Variants in RGS13 observed in about 807,000 individuals in gnomAD.
RGS13 encodes regulator of G-protein signalling 13.
In RGS13, 14 loss-of-function variants were observed where a neutral mutation model predicts 19.9. That is an observed-to-expected ratio of 0.70 (90% CI 0.46 to 1.10). The LOEUF is 1.10. Among genes scored for constraint, RGS13 ranks in the 50% least tolerant of loss-of-function variants. RGS13 has a pLI of 0.00. For missense variants in RGS13, 205 were observed against 187.1 expected, an observed-to-expected ratio of 1.10 and a Z score of -0.56; for synonymous variants, 60 against 56.8, an observed-to-expected ratio of 1.06 and a Z score of -0.25.
intron 5 of RGS13, among the ~76,000 whole-genome samples, chr1:192,655,977 T>C (rs1663431064): frequency 6.6e-6 from 1 of 152,220 alleles, no homozygotes; most frequent in African/African-American, 2.4e-5. Flanking sequence ...TAGAACCATT[T>C]GGCCAGCCCA....
intron 3 of RGS13, among the ~76,000 whole-genome samples, chr1:192,639,664 C>T (rs1019692609): frequency 1.3e-5 from 2 of 152,070 alleles, no homozygotes; most frequent in African/African-American, 2.4e-5. Flanking sequence ...TTTTTCTAAT[C>T]TTTACAGTTC....
intron 3 of RGS13, among the ~76,000 whole-genome samples, chr1:192,643,844 C>T (rs958307962): frequency 6.6e-6 from 1 of 151,914 alleles, no homozygotes. Context: ...CCCAGCTACT[C>T]CAGAGGTTGA....
At chr1:192,640,878 G>A (rs1208228820) in intron 3 of RGS13, among the ~76,000 whole-genome samples, 1 of 152,032 alleles carries the variant, frequency 6.6e-6, no homozygotes, top group Non-Finnish European at 1.5e-5. Flanking sequence ...TTCTTCTTCA[G>A]GAACCTGAAA....
At chr1:192,657,522 A>C (rs1045584866) in intron 5 of RGS13, among the ~76,000 whole-genome samples, 8 of 152,126 alleles carry the variant, frequency 5.3e-5, no homozygotes, top group African/African-American at 1.9e-4. Flanking sequence ...CTCCGGCATC[A>C]AGTGTTATGT....
In RGS13 at chr1:192,659,553, G is replaced by C. The variant is rs1270461676; in HGVS notation, c.*30G>C. ...AACTCAAAAGTTTAAATAGAAAACAGTATATTGAAAGTGGTGGGTTTGATC... is the reference window on the plus strand; with the variant it reads ...AACTCAAAAGTTTAAATAGAAAACACTATATTGAAAGTGGTGGGTTTGATC... On this transcript the variant is annotated 3_prime_UTR_variant, in exon 7 of 7. Coordinates refer to ENST00000391995, the MANE Select transcript of RGS13 (RefSeq NM_002927.5). The C allele has an allele frequency of 3.3e-6, 5 of 1,515,586 alleles. No homozygotes were observed. In the African/African-American group the frequency reaches 7.0e-5, roughly 21 times the overall value. 93.9% of individuals were successfully genotyped at this position (1,515,586 alleles called of 1,614,324 possible).
chr1:192,644,223 C>T (rs2102031210), intron 3 of RGS13, 108 bp from the exon 4 acceptor site: 2 of 738,908 alleles, frequency 2.7e-6, no homozygotes, highest in South Asian at 2.7e-5. Context: ...TTCAAGAGCC[C>T]ATCTTTTTTT....
intron 4 of RGS13, 52 bp downstream of exon 4, chr1:192,644,451 A>G (rs1663180966): frequency 7.7e-7 from 1 of 1,295,700 alleles, no homozygotes; most frequent in Non-Finnish European, 1.1e-6. Flanking sequence ...TTATCAGATG[A>G]TAAATAGGTA....
At chr1:192,656,255 T>C (rs1281921438) in intron 5 of RGS13, among the ~76,000 whole-genome samples, 1 of 152,102 alleles carries the variant, frequency 6.6e-6, no homozygotes, top group South Asian at 2.1e-4. Flanking sequence ...ATCTGCTATC[T>C]CATTTTCTTT....
chr1:192,644,137 T>C (rs544765124), intron 3 of RGS13, among the ~76,000 whole-genome samples, 194 bp from the exon 4 acceptor site: 1 of 152,264 alleles, frequency 6.6e-6, no homozygotes, highest in East Asian at 1.9e-4. Context: ...TATATTTTTA[T>C]AAAATATTTA....
At chr1:192,636,594 T>G (rs189100657) in intron 1 of RGS13, among the ~76,000 whole-genome samples, 1 of 152,148 alleles carries the variant, frequency 6.6e-6, no homozygotes, top group East Asian at 1.9e-4. Context: ...TATGTTTTTG[T>G]GTATATTTTC....
At chr1:192,641,587 T>G (rs1034566325) in intron 3 of RGS13, among the ~76,000 whole-genome samples, 6 of 152,286 alleles carry the variant, frequency 3.9e-5, no homozygotes, top group African/African-American at 1.4e-4. Context: ...GCTCTCTTAA[T>G]CACTTCCCAG....
At chr1:192,658,134 T>G in intron 5 of RGS13, 67 bp from the exon 6 acceptor site, 1 of 1,142,568 alleles carries the variant, frequency 8.8e-7, no homozygotes, top group Non-Finnish European at 1.3e-6. Context: ...TTTTTTTAAC[T>G]GTATTGCTTA....
intron 5 of RGS13, among the ~76,000 whole-genome samples, chr1:192,657,004 G>A (rs1663455418): frequency 2.0e-5 from 3 of 152,012 alleles, no homozygotes; most frequent in Admixed American, 2.0e-4. Context: ...AATAGTAAAT[G>A]ATATTGACCA....
chr1:192,652,509 CT>C (rs1384211433), intron 5 of RGS13, among the ~76,000 whole-genome samples: 1 of 151,978 alleles, frequency 6.6e-6, no homozygotes, highest in African/African-American at 2.4e-5. Flanking sequence ...CCACTTAGCA[CT>C]TTTTGTCTTT....
intron 5 of RGS13, among the ~76,000 whole-genome samples, chr1:192,656,933 A>T (rs1048911824): frequency 6.6e-6 from 1 of 152,114 alleles, no homozygotes; most frequent in Non-Finnish European, 1.5e-5. Flanking sequence ...TTAGATGAAG[A>T]TCCAGGAAAA....
At chr1:192,636,805 TTTATG>T (rs1663025548) in intron 1 of RGS13, among the ~76,000 whole-genome samples, 1 of 151,980 alleles carries the variant, frequency 6.6e-6, no homozygotes, top group African/African-American at 2.4e-5. Context: ...TTTTTATTCT[TTTATG>T]TTATGCTTAA....
At chr1:192,642,198 A>G (rs1663135435) in intron 3 of RGS13, among the ~76,000 whole-genome samples, 1 of 151,742 alleles carries the variant, frequency 6.6e-6, no homozygotes, top group Non-Finnish European at 1.5e-5. Context: ...AAATTCTCCC[A>G]CCACTTTCTT....
At chr1:192,652,827 G>A (rs1421365047) in intron 5 of RGS13, among the ~76,000 whole-genome samples, 2 of 151,968 alleles carry the variant, frequency 1.3e-5, no homozygotes. Context: ...TGAGGCACGG[G>A]GTACATGAAG....
At chr1:192,656,710 A>G (rs946511337) in intron 5 of RGS13, among the ~76,000 whole-genome samples, 1 of 152,042 alleles carries the variant, frequency 6.6e-6, no homozygotes, top group Non-Finnish European at 1.5e-5. Flanking sequence ...CGTGATAATA[A>G]TAGTCCATGT....
Sources: gnomAD v4.1 joint callset for allele counts (sites outside exome capture counted in the v4.1 genomes callset) on GRCh38, gnomAD v4.1.1 for gene constraint, MANE v1.5 for transcripts, NCBI Gene and HGNC (gene_info 2026-07-23, HGNC 2026-07-21) for gene names.